Variants in CATSPERG observed in about 807,000 individuals in gnomAD.
The protein encoded by CATSPERG is cation channel sperm-associated auxiliary subunit gamma.
In CATSPERG, 115 loss-of-function variants were observed where a neutral mutation model predicts 145.0. The ratio of observed to expected loss-of-function variants is 0.79; its 90% CI spans 0.68 to 0.93. The LOEUF is 0.93. Among genes scored for constraint, CATSPERG ranks in the 40% least tolerant of loss-of-function variants. CATSPERG has a pLI of 0.00. For missense variants in CATSPERG, 1,296 were observed against 1,490.1 expected (o/e 0.87, Z 2.14); for synonymous variants, 588 against 589.0 (o/e 1.00, Z 0.02).
At chr19:38,344,233 C>G in intron 5 of CATSPERG, 63 bp from the exon 6 acceptor site, 1 of 1,538,436 alleles carries the variant, frequency 6.5e-7, no homozygotes, top group South Asian at 1.2e-5. Context: ...GGAGAGGCAG[C>G]TACGAGCTGT....
chr19:38,363,031 C>A (rs1202159590), intron 20 of CATSPERG, among the ~76,000 whole-genome samples, 199 bp downstream of exon 20: 1 of 151,828 alleles, frequency 6.6e-6, no homozygotes, highest in African/African-American at 2.4e-5. Flanking sequence ...CACCACAGTG[C>A]CCAGTGAACT....
At chr19:38,352,135 A>G in intron 7 of CATSPERG, 126 bp from the exon 8 acceptor site, 1 of 894,294 alleles carries the variant, frequency 1.1e-6, no homozygotes, top group Non-Finnish European at 1.7e-6. Context: ...GAGCAGGGAG[A>G]GCGCCCTGGG....
chr19:38,358,160 G>C, intron 11 of CATSPERG, 118 bp from the exon 12 acceptor site: 1 of 938,318 alleles, frequency 1.1e-6, no homozygotes, highest in East Asian at 2.4e-5. Flanking sequence ...TAGCAAACCC[G>C]AGTGGGAAGC....
At chr19:38,344,430 C>T in intron 6 of CATSPERG, 62 bp downstream of exon 6, 2 of 1,418,084 alleles carry the variant, frequency 1.4e-6, no homozygotes, top group Middle Eastern at 1.9e-4. Flanking sequence ...GCCCTGGTTA[C>T]TTCCCAGACA....
At chr19:38,338,753 C>CA (rs1969887016) in intron 3 of CATSPERG, among the ~76,000 whole-genome samples, 1 of 152,112 alleles carries the variant, frequency 6.6e-6, no homozygotes, top group Non-Finnish European at 1.5e-5. Context: ...TGGTGGCTCC[C>CA]ACCTGTAGAA....
intron 3 of CATSPERG, among the ~76,000 whole-genome samples, chr19:38,339,344 G>T (rs1260147183): frequency 1.3e-5 from 2 of 152,338 alleles, no homozygotes; most frequent in African/African-American, 4.8e-5. Flanking sequence ...CCTTGGCTTA[G>T]ATTATGGTGC....
At chr19:38,353,696 CAAAAA>C (rs34301376) in intron 8 of CATSPERG, among the ~76,000 whole-genome samples, 4 of 60,324 alleles carry the variant, frequency 6.6e-5, no homozygotes, top group African/African-American at 7.0e-5. Flanking sequence ...GATGCCATCT[CAAAAA>C]AAAAAAAAAA....
At chr19:38,346,322 G>C in intron 6 of CATSPERG, 128 bp from the exon 7 acceptor site, 1 of 818,958 alleles carries the variant, frequency 1.2e-6, no homozygotes, top group Non-Finnish European at 1.8e-6. Context: ...TAAGGAATGA[G>C]GTCAAGGAAG....
chr19:38,367,105 G>A (rs1347178478), intron 22 of CATSPERG, 51 bp from the exon 23 acceptor site: 2 of 1,557,050 alleles, frequency 1.3e-6, no homozygotes, highest in Non-Finnish European at 1.7e-6. Context: ...CCCCTCCAGG[G>A]GCCTGAGGAG....
At position 38,362,788 on chromosome 19, in the gene CATSPERG, G is replaced by T; in HGVS notation, c.2431G>T (p.Val811Leu). Reference protein sequence around the residue: ...LADPGCIEASVKQEVLINRNS... With the variant: ...LADPGCIEASLKQEVLINRNS... ...CGACCCCGGCTGCATCGAGGCCTCG[G>T]TGAAGCAGGAGGTCCTGATTAATCG... Residue 811 changes from valine to leucine, a missense_variant, in exon 20 of 29, where the codon GTG (valine) becomes TTG (leucine). Val to Leu is a conservative substitution (Grantham distance 32, BLOSUM62 1). Transcript: ENST00000409235. 1 of 1,614,166 alleles carries T rather than the reference G, an allele frequency of 6.2e-7. No homozygotes were observed. The highest frequency in any genetic ancestry group is 8.5e-7 in the Non-Finnish European group (1 of 1,180,014).
intron 17 of CATSPERG, 131 bp downstream of exon 17, chr19:38,361,992 G>GGGA: frequency 2.9e-6 from 1 of 347,394 alleles, no homozygotes; most frequent in South Asian, 2.2e-5. Context: ...GTGGGCGGGG[G>GGGA]ACCTGGGGGC....
intron 7 of CATSPERG, 153 bp downstream of exon 7, chr19:38,346,758 C>A: frequency 1.4e-6 from 1 of 708,866 alleles, no homozygotes; most frequent in Non-Finnish European, 2.1e-6. Context: ...ACACAAGATT[C>A]TACAGCCAGA....
In CATSPERG at chr19:38,352,252, C is replaced by A; in HGVS notation, c.826-9C>A. 1 of 1,551,072 alleles carries A rather than the reference C, an allele frequency of 6.4e-7. No homozygotes were observed. Among genetic ancestry groups the A allele is most frequent in the Non-Finnish European group, 8.7e-7 (1 of 1,146,950 alleles). On this transcript the variant is annotated splice_polypyrimidine_tract_variant and intron_variant, in intron 7 of 28. Transcript: ENST00000409235. ...CACCTGCTCACCACTAGCCTCTGCT[C>A]CCCTGCAGCTGAGCATTGACAGTTG... is the stretch of plus-strand genomic sequence containing the variant.
At chr19:38,354,930 T>C in intron 9 of CATSPERG, 83 bp downstream of exon 9, 1 of 1,498,226 alleles carries the variant, frequency 6.7e-7, no homozygotes, top group East Asian at 2.3e-5. Context: ...GGGCCCTCAC[T>C]CATTACCATG....
chr19:38,350,844 C>G (rs931785930), intron 7 of CATSPERG, among the ~76,000 whole-genome samples: 34 of 152,028 alleles, frequency 2.2e-4, no homozygotes, highest in African/African-American at 8.0e-4. Flanking sequence ...CAAAAATTAG[C>G]CAGGCATGGT....
intron 6 of CATSPERG, 61 bp from the exon 7 acceptor site, chr19:38,346,389 T>C: frequency 6.9e-7 from 1 of 1,447,278 alleles, no homozygotes; most frequent in East Asian, 2.6e-5. Flanking sequence ...TGGACCTAAA[T>C]GAGATGGAGT....
intron 6 of CATSPERG, among the ~76,000 whole-genome samples, chr19:38,345,954 C>T (rs991379987): frequency 6.6e-6 from 1 of 152,214 alleles, no homozygotes; most frequent in Non-Finnish European, 1.5e-5. Context: ...CTGGAGCTGA[C>T]ACTCTAGTGG....
rs762238029 is a variant in CATSPERG, at chr19:38,362,369, A to AC, written c.2158-3dup. The AC allele has an allele frequency of 3.1e-6, 5 of 1,614,034 alleles. No homozygotes were observed. The highest frequency in any genetic ancestry group is 4.2e-6 in the Non-Finnish European group (5 of 1,179,926). On this transcript the variant is annotated splice_region_variant and splice_polypyrimidine_tract_variant and intron_variant, in intron 18 of 28. Transcript: ENST00000409235. ...GCTGACTCTGCCCCGCGCATCCGGT[A>AC]CCCCAGGATTACTACTTCTTCTTGG...
Position 38,354,803 on chromosome 19 carries a change from C to T in CATSPERG, c.1091C>T (p.Thr364Ile), listed in dbSNP as rs754443545. 3.1e-6 allele frequency: 5 copies of T among 1,614,122 alleles called. No individual in the cohort carries two copies. The East Asian group carries it at 1.1e-4, about 36-fold the overall frequency. Residue 364 changes from threonine (T) to isoleucine (I), a missense_variant, in exon 9 of 29, where the codon ACC becomes ATC. Coordinates refer to ENST00000409235, the MANE Select transcript of CATSPERG (RefSeq NM_021185.5). ...SNGSEYIMAL[T>I]TGKHEGYVHF... ...GGCTCTGAGTACATAATGGCCCTCA[C>T]CACGGGCAAGCATGAGGGTTATGTA... is the stretch of plus-strand genomic sequence containing the variant.
Sources: allele counts gnomAD v4.1 joint callset (sites outside exome capture counted in the v4.1 genomes callset), GRCh38; gene constraint gnomAD v4.1.1; transcripts MANE v1.5; gene names NCBI Gene and HGNC (gene_info 2026-07-23, HGNC 2026-07-21).